The following EIF2AK4 variants were observed in gnomAD, a reference collection of about 807,000 sequenced individuals.
EIF2AK4 encodes eIF-2-alpha kinase GCN2.
A neutral mutation model predicts 211.1 loss-of-function variants in EIF2AK4; 139 were observed. That is an observed-to-expected ratio of 0.66 (90% CI 0.57 to 0.76). The LOEUF (loss-of-function observed/expected upper bound fraction) is 0.76. EIF2AK4 is among the 30% of genes least tolerant of loss of function. The pLI, the probability that EIF2AK4 is intolerant of heterozygous loss-of-function variation, is 0.00. For missense variants in EIF2AK4, 1,664 were observed against 2,043.8 expected (o/e 0.81, Z 3.58); for synonymous variants, 710 against 751.3 (o/e 0.94, Z 0.90).
In EIF2AK4 at chr15:40,035,137, A is replaced by G; in HGVS notation, c.*53A>G. ...CAAACAGACAGAGGCTTATACTGGA[A>G]TAATGGAATGTTGTACATTCATCAT... On this transcript the variant is annotated 3_prime_UTR_variant, in exon 39 of 39. Coordinates refer to ENST00000263791, the MANE Select transcript of EIF2AK4 (RefSeq NM_001013703.4). The G allele has an allele frequency of 7.7e-7, 1 of 1,294,878 alleles. No homozygotes were observed. The highest frequency in any genetic ancestry group is 1.1e-6 in the Non-Finnish European group (1 of 944,430). The allele number at this position is 1,294,878 out of a possible 1,614,324, so 80.2% of individuals were successfully genotyped here. A position where few individuals can be genotyped will look rare whatever the true frequency, so the allele number is the denominator to read the frequency against.
rs117286357 is a variant in EIF2AK4, at chr15:39,946,833, C to T, written c.361-2283C>T. On this transcript the variant is annotated intron_variant, in intron 3 of 38. Transcript: ENST00000263791. ...CCCTCTGTCTGCAAAAAGATTATGA[C>T]GTCCTGAAGGTTCAGATGATCATTA... 9.4e-4 allele frequency: 550 copies of T among 585,906 alleles called. 8 individuals are homozygous for T. The East Asian group carries it at 0.013, about 14-fold the overall frequency. The allele number at this position is 585,906 out of a possible 1,614,324, so 36.3% of individuals were successfully genotyped here.
intron 25 of EIF2AK4, among the ~76,000 whole-genome samples, chr15:40,009,249 C>T (rs1567003392): frequency 6.6e-6 from 1 of 151,822 alleles, no homozygotes; most frequent in Non-Finnish European, 1.5e-5. Context: ...CCACTGACCC[C>T]AGCTAATTTT....
Position 39,965,697 on chromosome 15 carries a change from C to A in EIF2AK4, c.871C>A (p.Gln291Lys), listed in dbSNP as rs778556515. 1.2e-6 allele frequency: 2 copies of A among 1,613,582 alleles called. No individual in the cohort carries two copies. Among genetic ancestry groups the A allele is most frequent in the East Asian group, 4.5e-5 (2 of 44,864 alleles). ...TGTTTAATGTGCAGGCAGTGATGAACAACTTGGAAAATTAGTCTACAATGC... is the reference window on the plus strand; with the variant it reads ...TGTTTAATGTGCAGGCAGTGATGAAAAACTTGGAAAATTAGTCTACAATGC... ...HKGKCIGSDE[Q>K]LGKLVYNALE... The change falls in exon 8 of 39, where the codon CAA becomes AAA. Residue 291 changes from glutamine (Q) to lysine (K), a missense_variant. Around this residue, in one of 7 missense-constraint regions of EIF2AK4, gnomAD observed 641 missense variants for 729.6 expected, o/e 0.88. Transcript: ENST00000263791.
At chr15:40,034,986 T>G (rs1364101448) in intron 38 of EIF2AK4, 41 bp from the exon 39 acceptor site, 4 of 1,515,786 alleles carry the variant, frequency 2.6e-6, no homozygotes, top group Admixed American at 1.8e-5. Flanking sequence ...CTTCACTCAT[T>G]AAACTGAGTC....
chr15:39,936,921 G>C (rs538338771), intron 1 of EIF2AK4, among the ~76,000 whole-genome samples: 1 of 152,214 alleles, frequency 6.6e-6, no homozygotes, highest in African/African-American at 2.4e-5. Flanking sequence ...GGCTAAATTT[G>C]CTGCCAATAA....
At chr15:40,022,242 CTT>C in intron 31 of EIF2AK4, 1 of 247,824 alleles carries the variant, frequency 4.0e-6, no homozygotes, top group South Asian at 6.1e-5. Context: ...TTTTGGGCAT[CTT>C]TTATTAAGTC....
At position 40,019,180 on chromosome 15, in the gene EIF2AK4, G is replaced by A. The variant is rs554057978; in HGVS notation, c.4153G>A (p.Val1385Ile). The change falls in exon 30 of 39, where the codon GTC becomes ATC. Residue 1385 changes from valine (V) to isoleucine (I), a missense_variant. Coordinates refer to ENST00000263791, the MANE Select transcript of EIF2AK4 (RefSeq NM_001013703.4). ...AGCTATAGACAAGATATCTGCTGCT[G>A]TCCTCAACATGGAGGAATCTGTAAG... The part of the protein sequence containing the change: ...SIAIDKISAA[V>I]LNMEESVTIS... The A allele has an allele frequency of 1.4e-5, 22 of 1,596,390 alleles. No individual in the cohort carries two copies. In the South Asian group the frequency reaches 2.3e-4, roughly 17 times the overall value.
At chr15:39,985,232 T>C (rs936887024) in intron 13 of EIF2AK4, among the ~76,000 whole-genome samples, 2 of 152,222 alleles carry the variant, frequency 1.3e-5, no homozygotes, top group African/African-American at 4.8e-5. Flanking sequence ...AGCTTTTTAA[T>C]GTGCTGCTGG....
At chr15:39,946,174 A>G (rs548381088) in intron 3 of EIF2AK4, among the ~76,000 whole-genome samples, 1 of 152,228 alleles carries the variant, frequency 6.6e-6, no homozygotes, top group African/African-American at 2.4e-5. Flanking sequence ...ATAGTGATTC[A>G]TTTGATCTGA....
At chr15:40,014,605 T>C (rs1316687093) in intron 27 of EIF2AK4, among the ~76,000 whole-genome samples, 1 of 152,164 alleles carries the variant, frequency 6.6e-6, no homozygotes, top group Non-Finnish European at 1.5e-5. Flanking sequence ...CACGAAACCA[T>C]TTTTTCCTCC....
intron 11 of EIF2AK4, chr15:39,974,995 T>C (rs2034674441): frequency 6.6e-6 from 1 of 152,248 alleles, no homozygotes; most frequent in South Asian, 2.1e-4. Context: ...TGATGTGTAC[T>C]GAGACAGGAG....
At chr15:39,962,435 A>T (rs971053321) in intron 7 of EIF2AK4, among the ~76,000 whole-genome samples, 1 of 152,234 alleles carries the variant, frequency 6.6e-6, no homozygotes, top group African/African-American at 2.4e-5. Context: ...AAATGTATGT[A>T]ACAAAGTGAA....
chr15:39,964,268 A>T (rs12708400), intron 7 of EIF2AK4, among the ~76,000 whole-genome samples: 92,721 of 152,082 alleles, frequency 0.61, 28,661 homozygotes, highest in Middle Eastern at 0.67. Flanking sequence ...TGATTATTCA[A>T]ATAGAAAAGA....
intron 7 of EIF2AK4, among the ~76,000 whole-genome samples, 197 bp downstream of exon 7, chr15:39,962,096 TA>T (rs2034480853): frequency 6.6e-6 from 1 of 152,146 alleles, no homozygotes; most frequent in Admixed American, 6.5e-5. Context: ...AAGATGGAAA[TA>T]AAAACCTGTG....
At chr15:39,958,458 A>C (rs976224485) in intron 6 of EIF2AK4, among the ~76,000 whole-genome samples, 1 of 152,166 alleles carries the variant, frequency 6.6e-6, no homozygotes, top group African/African-American at 2.4e-5. Flanking sequence ...GAGATCATTA[A>C]GGGTATAAGA....
At chr15:40,007,585 C>T (rs2035178595) in intron 24 of EIF2AK4, among the ~76,000 whole-genome samples, 1 of 152,166 alleles carries the variant, frequency 6.6e-6, no homozygotes, top group Non-Finnish European at 1.5e-5. Flanking sequence ...CACAGGGGTC[C>T]AACACTGAGA....
rs961100648 is a variant in EIF2AK4 at position 39,944,901 on chromosome 15, C to A, written c.360+1416C>A. Among the ~76,000 whole-genome samples the A allele has an allele frequency of 3.9e-5, 6 of 152,306 alleles. No individual in the cohort carries two copies. In the South Asian group the frequency reaches 1.2e-3, roughly 32 times the overall value. On this transcript the variant is annotated intron_variant, in intron 3 of 38. Transcript: ENST00000263791. The stretch of plus-strand genomic sequence containing the variant: ...GAGTCATAGTACAGTCCATGGAATG[C>A]CTTTTAGTTGTAAAAATTGTGTCCA...
chr15:39,983,219 CTT>C (rs993356880), intron 13 of EIF2AK4, among the ~76,000 whole-genome samples: 3 of 152,176 alleles, frequency 2.0e-5, no homozygotes, highest in African/African-American at 7.2e-5. Flanking sequence ...TGTTTCCTGA[CTT>C]TTTAATGATC....
At position 39,976,680 on chromosome 15, in the gene EIF2AK4, C is replaced by T. The variant is rs1309247011; in HGVS notation, c.2085C>T (p.Ser695=). 3 of 1,601,760 alleles carry T rather than the reference C, an allele frequency of 1.9e-6. No homozygotes were observed. In the East Asian group the frequency reaches 6.7e-5, roughly 36 times the overall value. The change falls in exon 12 of 39, where the codon AGC becomes AGT. Residue 695 remains serine, a synonymous_variant. Transcript: ENST00000263791. ...CGAGCGACACAGACGGCCTGGACAG[C>T]GTAGAGGCCGCCGCGCCGCCACCCA... ...QPASDTDGLD[S]VEAAAPPPIL... is the part of the protein sequence containing the mutation.
Sources: allele counts gnomAD v4.1 joint callset (sites outside exome capture counted in the v4.1 genomes callset), GRCh38; gene constraint gnomAD v4.1.1; regional missense constraint gnomAD v4.1.1; transcripts MANE v1.5; gene names NCBI Gene and HGNC (gene_info 2026-07-23, HGNC 2026-07-21).